The following SDK2 variants were observed in gnomAD, a reference collection of about 807,000 sequenced individuals.
SDK2 encodes protein sidekick-2.
Under a neutral mutation model 253.9 loss-of-function variants are expected in SDK2, and 105 were observed. The observed-to-expected ratio is 0.41, with a 90% CI of 0.35 to 0.49. The LOEUF (loss-of-function observed/expected upper bound fraction) is 0.49, where lower values mean the gene tolerates loss of function less well. Among genes scored for constraint, SDK2 ranks in the 20% least tolerant of loss-of-function variants. The pLI is 0.06. For synonymous variants in SDK2, 1,249 were observed against 1,234.9 expected (o/e 1.01, Z -0.24); for missense variants, 2,608 against 3,003.0 (o/e 0.87, Z 3.07).
At position 73,629,119 on chromosome 17, in the gene SDK2, C is replaced by T. The variant is rs560392274; in HGVS notation, c.64+14906G>A. Among the ~76,000 whole-genome samples, 94 of 152,308 alleles carry T rather than the reference C, an allele frequency of 6.2e-4. No individual in the cohort carries two copies. Among genetic ancestry groups the T allele is most frequent in the African/African-American group, 2.1e-3 (89 of 41,570 alleles). On this transcript the variant is annotated intron_variant, in intron 1 of 44. Coordinates refer to ENST00000392650, the MANE Select transcript of SDK2 (RefSeq NM_001144952.2). The surrounding 1 kb of genome is among the most constrained non-coding windows in gnomAD (Gnocchi z 5.0). The stretch of plus-strand genomic sequence containing the variant: ...GGCAGGAAAGCCAGGCTCCTGAGCT[C>T]GCACCTCACTTGCCTTTCTTGGCTG...
chr17:73,402,710 C>T (rs1289198758), intron 18 of SDK2, among the ~76,000 whole-genome samples: 3 of 152,120 alleles, frequency 2.0e-5, no homozygotes, highest in African/African-American at 7.2e-5. Context: ...CTAAAGCAGT[C>T]CTCCCACCTC....
intron 1 of SDK2, among the ~76,000 whole-genome samples, chr17:73,564,104 T>C (rs1178419317): frequency 6.6e-6 from 1 of 152,264 alleles, no homozygotes; most frequent in Non-Finnish European, 1.5e-5. Flanking sequence ...ACTTCTTTTG[T>C]ATTCACCTTG....
chr17:73,561,833 A>G (rs1286039913), intron 1 of SDK2, among the ~76,000 whole-genome samples: 1 of 152,348 alleles, frequency 6.6e-6, no homozygotes, highest in East Asian at 1.9e-4. Flanking sequence ...ATCAAGATAA[A>G]TAACATTGTA....
At chr17:73,532,086 G>C (rs986144127) in intron 1 of SDK2, among the ~76,000 whole-genome samples, 1 of 152,164 alleles carries the variant, frequency 6.6e-6, no homozygotes, top group Non-Finnish European at 1.5e-5. Context: ...GCTCCCGGGG[G>C]ACCCCTGGCG....
At position 73,398,163 on chromosome 17, in the gene SDK2, T is replaced by C. The variant is rs917787705; in HGVS notation, c.3226A>G (p.Ile1076Val). Residue 1076 changes from isoleucine (I) to valine (V), a missense_variant, in exon 24 of 45, where the codon ATC becomes GTC. By Grantham distance (29) the Ile-to-Val change is conservative (BLOSUM62 3). Transcript: ENST00000392650. Reference sequence around the variant, plus strand: ...TGACTGGGGGGGCTGGTGCCCACGATGTTCACCTGGCGCATGCGGAAGCTG... The same window carrying C: ...TGACTGGGGGGGCTGGTGCCCACGACGTTCACCTGGCGCATGCGGAAGCTG... The part of the protein sequence containing the change: ...CYSFRMRQVN[I>V]VGTSPPSQPS... 4 of 1,613,142 alleles carry C rather than the reference T, an allele frequency of 2.5e-6. No individual in the cohort carries two copies. The African/African-American group carries it at 4.0e-5, about 16-fold the overall frequency.
At chr17:73,341,230 CTT>C (rs11347151) in intron 44 of SDK2, among the ~76,000 whole-genome samples, 1,707 of 120,270 alleles carry the variant, frequency 0.014, 21 homozygotes, top group African/African-American at 0.033. Context: ...TTATTCCTGA[CTT>C]TTTTTTTTTT....
intron 36 of SDK2, among the ~76,000 whole-genome samples, chr17:73,376,289 G>A (rs930297983): frequency 2.2e-5 from 3 of 134,470 alleles, no homozygotes; most frequent in African/African-American, 3.1e-5. Context: ...ATTTTGCCCC[G>A]TGTTGGCCTT....
chr17:73,338,629 T>C lies in SDK2; in HGVS notation c.6477A>G (p.Pro2159=), dbSNP rs1270914361. The change falls in exon 45 of 45, where the codon CCA becomes CCG. Residue 2159 remains proline, a synonymous_variant. Coordinates refer to ENST00000392650, the MANE Select transcript of SDK2 (RefSeq NM_001144952.2). The surrounding 1 kb of genome is among the most constrained non-coding windows in gnomAD (Gnocchi z 5.0). ...ATCCTGCTATGGGAGCCCGGGAGCCTGGGGCCAGGCTGCTGGGGGGACGGT... is the reference window on the plus strand; with the variant it reads ...ATCCTGCTATGGGAGCCCGGGAGCCCGGGGCCAGGCTGCTGGGGGGACGGT... The part of the protein sequence containing the change: ...TLYRPPSSLA[P]GSRAPIAGFS... 6.5e-7 allele frequency: 1 copy of C among 1,532,156 alleles called. No individual in the cohort carries two copies. Among genetic ancestry groups the C allele is most frequent in the Non-Finnish European group, 8.7e-7 (1 of 1,144,714 alleles). 94.9% of individuals were successfully genotyped at this position (1,532,156 alleles called of 1,614,324 possible). A position where few individuals can be genotyped will look rare whatever the true frequency, so the allele number is the denominator to read the frequency against.
At chr17:73,504,816 A>G (rs954126274) in intron 2 of SDK2, among the ~76,000 whole-genome samples, 2 of 152,164 alleles carry the variant, frequency 1.3e-5, no homozygotes, top group Non-Finnish European at 2.9e-5. Flanking sequence ...AACTGTCCTG[A>G]GACCCTTGAT....
intron 33 of SDK2, among the ~76,000 whole-genome samples, 173 bp from the exon 34 acceptor site, chr17:73,381,123 A>G (rs1242080658): frequency 1.3e-5 from 2 of 152,212 alleles, no homozygotes; most frequent in Admixed American, 6.5e-5. Context: ...CCAGGATAAC[A>G]GGGTTGTGGG....
chr17:73,445,392 C>G (rs2063445996), intron 5 of SDK2, among the ~76,000 whole-genome samples: 1 of 152,198 alleles, frequency 6.6e-6, no homozygotes, highest in Non-Finnish European at 1.5e-5. Flanking sequence ...GACAGTGTAG[C>G]CCTGATCCCC....
At position 73,352,535 on chromosome 17, in the gene SDK2, C is replaced by T; in HGVS notation, c.5696G>A (p.Arg1899Gln). Residue 1899 changes from arginine (R) to glutamine (Q), a missense_variant, in exon 41 of 45, where the codon CGG becomes CAG. This residue lies in a region of SDK2 where 1,103 missense variants were observed against 1,143.9 expected (regional missense o/e 0.96). Coordinates refer to ENST00000392650, the MANE Select transcript of SDK2 (RefSeq NM_001144952.2). This position sits in a 1 kb window ranked among gnomAD's most constrained non-coding sequence, Gnocchi z 4.1. ...ILKPGVSYDF[R>Q]VIAVNDYGFG... ...ACCATAGTCGTTGACCGCGATGACCCGGAAGTCATAGCTCACGCCCGGCTT... is the reference window on the plus strand; with the variant it reads ...ACCATAGTCGTTGACCGCGATGACCTGGAAGTCATAGCTCACGCCCGGCTT... 6.2e-7 allele frequency: 1 copy of T among 1,614,006 alleles called. No homozygotes were observed. The highest frequency in any genetic ancestry group is 8.5e-7 in the Non-Finnish European group (1 of 1,179,880).
chr17:73,452,907 A>G (rs1029646668), intron 4 of SDK2, among the ~76,000 whole-genome samples: 4 of 152,188 alleles, frequency 2.6e-5, no homozygotes, highest in African/African-American at 9.7e-5. Flanking sequence ...CAAAATCTCA[A>G]CATCCACGCT....
chr17:73,489,131 T>C (rs1173694127), intron 2 of SDK2, among the ~76,000 whole-genome samples: 1 of 152,244 alleles, frequency 6.6e-6, no homozygotes, highest in Non-Finnish European at 1.5e-5. Context: ...TGTCTCCATG[T>C]ACTGTGGTAT....
intron 1 of SDK2, among the ~76,000 whole-genome samples, chr17:73,508,030 G>A (rs1358526038): frequency 6.6e-6 from 1 of 152,232 alleles, no homozygotes; most frequent in Non-Finnish European, 1.5e-5. Context: ...CAACTGTAGG[G>A]GGTAAAGGGT....
chr17:73,350,887 G>T, intron 41 of SDK2, 97 bp from the exon 42 acceptor site: 1 of 1,319,436 alleles, frequency 7.6e-7, no homozygotes, highest in Non-Finnish European at 1.0e-6. Context: ...TACAATCTAT[G>T]GGAAGGCAGG....
chr17:73,360,522 G>A (rs2062631490), intron 39 of SDK2, among the ~76,000 whole-genome samples: 1 of 151,928 alleles, frequency 6.6e-6, no homozygotes, highest in South Asian at 2.1e-4. Context: ...TGGTCTGGGA[G>A]GTGACTTTTG....
chr17:73,584,801 C>T (rs947388615), intron 1 of SDK2, among the ~76,000 whole-genome samples: 1 of 152,224 alleles, frequency 6.6e-6, no homozygotes. Flanking sequence ...TGCCTGTGTC[C>T]CTGCAGGGTT....
chr17:73,519,154 G>A (rs17782389), intron 1 of SDK2: 63,874 of 152,138 alleles, frequency 0.42, 14,648 homozygotes, highest in African/African-American at 0.62. Flanking sequence ...TCCTTGGTCA[G>A]CGATGGTGCC....
Sources: allele counts gnomAD v4.1 joint callset (sites outside exome capture counted in the v4.1 genomes callset), GRCh38; gene constraint gnomAD v4.1.1; regional missense constraint gnomAD v4.1.1; non-coding constraint Gnocchi (gnomAD v3.1); transcripts MANE v1.5; gene names NCBI Gene and HGNC (gene_info 2026-07-23, HGNC 2026-07-21).